The following ABCA6 variants were observed in gnomAD, a reference collection of about 807,000 sequenced individuals.
ABCA6 encodes ATP binding cassette subfamily A member 6, also known as ATP-binding cassette sub-family A member 6.
ABCA6 carries 164 observed loss-of-function variants against 191.2 expected under a neutral mutation model. The observed-to-expected ratio is 0.86, with a 90% CI of 0.76 to 0.98. ABCA6 has a LOEUF of 0.98. ABCA6 is among the 50% of genes least tolerant of loss of function. The pLI, the probability that ABCA6 is intolerant of heterozygous loss-of-function variation, is 0.00. For synonymous variants in ABCA6, 636 were observed against 647.7 expected (o/e 0.98, Z 0.27); for missense variants, 1,958 against 1,894.1 (o/e 1.03, Z -0.63).
chr17:69,139,301 CT>C (rs2144728845), intron 2 of ABCA6, among the ~76,000 whole-genome samples: 1 of 152,242 alleles, frequency 6.6e-6, no homozygotes, highest in South Asian at 2.1e-4. Flanking sequence ...TGAAAAGACA[CT>C]TCTCAAAAGA....
At chr17:69,092,203 T>C (rs1261326602) in intron 25 of ABCA6, among the ~76,000 whole-genome samples, 1 of 152,338 alleles carries the variant, frequency 6.6e-6, no homozygotes, top group South Asian at 2.1e-4. Context: ...AGCACTACCC[T>C]TTCTTTCCCA....
In ABCA6 at chr17:69,112,307, G is replaced by GTAGTAAA. The variant is rs771348123; in HGVS notation, c.2042-35_2042-34insTTTACTA. The GTAGTAAA allele has an allele frequency of 3.3e-6, 5 of 1,523,394 alleles. No individual in the cohort carries two copies. In the Admixed American group the frequency reaches 8.5e-5, roughly 26 times the overall value. The allele number at this position is 1,523,394 out of a possible 1,614,324, so 94.4% of individuals were successfully genotyped here. A position where few individuals can be genotyped will look rare whatever the true frequency, so the allele number is the denominator to read the frequency against. Reference sequence around the variant, plus strand: ...AAGAAATCAAGGGAGAAAAGATATTGGGGGTCATTTCTTCTTTCTCTAGTA... The same window carrying GTAGTAAA: ...AAGAAATCAAGGGAGAAAAGATATTGTAGTAAAGGGGTCATTTCTTCTTTCTCTAGTA... On this transcript the variant is annotated intron_variant, in intron 15 of 38. Transcript: ENST00000284425.
At chr17:69,122,773 C>T (rs188668554) in intron 10 of ABCA6, among the ~76,000 whole-genome samples, 1 of 151,966 alleles carries the variant, frequency 6.6e-6, no homozygotes, top group African/African-American at 2.4e-5. Context: ...TGATACAGAG[C>T]TGATAAACAA....
intron 37 of ABCA6, among the ~76,000 whole-genome samples, chr17:69,079,818 T>C (rs1406159128): frequency 6.6e-6 from 1 of 152,228 alleles, no homozygotes; most frequent in African/African-American, 2.4e-5. Flanking sequence ...TGCCTTGATA[T>C]AGTTTGCATT....
intron 16 of ABCA6, chr17:69,111,156 C>T (rs928299681): frequency 4.3e-5 from 17 of 395,462 alleles, no homozygotes; most frequent in Non-Finnish European, 7.6e-5. Flanking sequence ...ACAAAATATA[C>T]AAACAAATAT....
At position 69,114,836 on chromosome 17, in the gene ABCA6, T is replaced by C; in HGVS notation, c.1708A>G (p.Ile570Val). 1 of 1,612,894 alleles carries C rather than the reference T, an allele frequency of 6.2e-7. No homozygotes were observed. The highest frequency in any genetic ancestry group is 8.5e-7 in the Non-Finnish European group (1 of 1,179,288). ...VCPQFNVQFD[I>V]LTVKENLSLF... is the part of the protein sequence containing the mutation. The stretch of plus-strand genomic sequence containing the variant: ...CTGAGGTTTTCCTTCACGGTGAGTA[T>C]GTCAAATTGAACATTGAATTGAGGA... Residue 570 changes from isoleucine (I) to valine (V), a missense_variant, in exon 13 of 39, where the codon ATA becomes GTA. Coordinates refer to ENST00000284425, the MANE Select transcript of ABCA6 (RefSeq NM_080284.3).
At chr17:69,093,611 G>A (rs2072979219) in intron 25 of ABCA6, among the ~76,000 whole-genome samples, 1 of 152,032 alleles carries the variant, frequency 6.6e-6, no homozygotes, top group Non-Finnish European at 1.5e-5. Flanking sequence ...CTTTGTTAGG[G>A]GCTCAGACTT....
In ABCA6 at chr17:69,129,602, C is replaced by G; in HGVS notation, c.933+8G>C. On this transcript the variant is annotated splice_region_variant and intron_variant, in intron 7 of 38. Transcript: ENST00000284425. ...GCAGAGAAAGTGGTAATAAATGTATCAACTTACCAAAGATAAGCCATATAA... is the reference window on the plus strand; with the variant it reads ...GCAGAGAAAGTGGTAATAAATGTATGAACTTACCAAAGATAAGCCATATAA... 16 of 1,578,898 alleles carry G rather than the reference C, an allele frequency of 1.0e-5. No individual in the cohort carries two copies. Among genetic ancestry groups the G allele is most frequent in the Non-Finnish European group, 1.4e-5 (16 of 1,160,750 alleles).
At chr17:69,138,383 C>T (rs938762208) in intron 2 of ABCA6, among the ~76,000 whole-genome samples, 5 of 152,130 alleles carry the variant, frequency 3.3e-5, no homozygotes, top group East Asian at 1.9e-4. Flanking sequence ...AGGTCCTTCA[C>T]GTCCCTTGTA....
rs553342195 is a variant in ABCA6 at position 69,132,626 on chromosome 17, C to T, written c.791+1015G>A. On this transcript the variant is annotated intron_variant, in intron 6 of 38. Coordinates refer to ENST00000284425, the MANE Select transcript of ABCA6 (RefSeq NM_080284.3). ...TCCCAGGTAGCTGGGATTACAGGCACGCGCCACCACACCTGGCTAATTTTT... is the reference window on the plus strand; with the variant it reads ...TCCCAGGTAGCTGGGATTACAGGCATGCGCCACCACACCTGGCTAATTTTT... Among the ~76,000 whole-genome samples the T allele has an allele frequency of 2.2e-3, 331 of 152,140 alleles. 1 individual carries two copies. The highest frequency in any genetic ancestry group is 3.1e-3 in the Non-Finnish European group (214 of 67,972).
chr17:69,096,164 G>A, intron 25 of ABCA6, 76 bp downstream of exon 25: 2 of 640,034 alleles, frequency 3.1e-6, no homozygotes, highest in Non-Finnish European at 4.7e-6. Flanking sequence ...TCTTAAGGCA[G>A]ACATCTGTAT....
At chr17:69,134,605 A>G (rs2073919357) in intron 5 of ABCA6, 34 bp downstream of exon 5, 1 of 1,496,608 alleles carries the variant, frequency 6.7e-7, no homozygotes, top group Non-Finnish European at 9.3e-7. Context: ...AGTAGCTGAC[A>G]TTAATTAGTA....
intron 25 of ABCA6, among the ~76,000 whole-genome samples, chr17:69,093,754 T>C (rs1353495455): frequency 6.6e-6 from 1 of 152,226 alleles, no homozygotes; most frequent in Non-Finnish European, 1.5e-5. Context: ...ATTTTGAATT[T>C]CTTTCAAGTC....
intron 36 of ABCA6, among the ~76,000 whole-genome samples, chr17:69,082,533 T>C (rs1013439340): frequency 1.3e-5 from 2 of 152,210 alleles, no homozygotes; most frequent in African/African-American, 4.8e-5. Flanking sequence ...AATATTTATA[T>C]ATGTTAAGCG....
intron 21 of ABCA6, among the ~76,000 whole-genome samples, chr17:69,101,611 AG>A (rs1768014958): frequency 6.7e-6 from 1 of 149,884 alleles, no homozygotes; most frequent in African/African-American, 2.5e-5. Flanking sequence ...AAAAAAAAAA[AG>A]CAGCAGCAGC....
chr17:69,139,588 C>T (rs1198290714), intron 2 of ABCA6, among the ~76,000 whole-genome samples: 5 of 152,244 alleles, frequency 3.3e-5, no homozygotes, highest in Non-Finnish European at 5.9e-5. Flanking sequence ...CCAGCCATCT[C>T]ATTACTGGGT....
chr17:69,099,077 G>A lies in ABCA6; in HGVS notation c.3013-1050C>T, dbSNP rs147742556. 2.0e-3 allele frequency among the ~76,000 whole-genome samples: 302 copies of A among 151,976 alleles called. 3 individuals are homozygous for A. The highest frequency in any genetic ancestry group is 7.0e-3 in the African/African-American group (292 of 41,454). ...GAAACCTCAGTAGCTGGGTGGATGTGTTCTGAAGCACAGAACCAAGAAGAA... is the reference window on the plus strand; with the variant it reads ...GAAACCTCAGTAGCTGGGTGGATGTATTCTGAAGCACAGAACCAAGAAGAA... On this transcript the variant is annotated intron_variant, in intron 22 of 38. Transcript: ENST00000284425.
chr17:69,122,459 A>G (rs1053422499), intron 10 of ABCA6, among the ~76,000 whole-genome samples: 1 of 152,082 alleles, frequency 6.6e-6, no homozygotes, highest in Non-Finnish European at 1.5e-5. Context: ...TCCTCATGCA[A>G]TTCTGTGATA....
chr17:69,129,209 GAAGT>G (rs1397935604), intron 7 of ABCA6, among the ~76,000 whole-genome samples: 23 of 152,224 alleles, frequency 1.5e-4, no homozygotes, highest in African/African-American at 5.3e-4. Context: ...AGTGAAACGA[GAAGT>G]AAGTATGAGA....
Sources: allele counts gnomAD v4.1 joint callset (sites outside exome capture counted in the v4.1 genomes callset), GRCh38; gene constraint gnomAD v4.1.1; transcripts MANE v1.5; gene names NCBI Gene and HGNC (gene_info 2026-07-23, HGNC 2026-07-21).